Variants in RPE65 observed in about 807,000 individuals in gnomAD.
RPE65 encodes the protein retinoid isomerohydrolase RPE65.
A neutral mutation model predicts 68.5 loss-of-function variants in RPE65; 58 were observed. The ratio of observed to expected loss-of-function variants is 0.85; its 90% CI spans 0.69 to 1.05. The LOEUF is 1.05. Ranked by LOEUF, RPE65 falls within the 50% of genes least tolerant of loss-of-function variation. The pLI is 0.00. For synonymous variants in RPE65, 220 were observed against 222.2 expected (o/e 0.99, Z 0.09); for missense variants, 643 against 629.9 (o/e 1.02, Z -0.22).
chr1:68,428,956 C>G lies in RPE65; in HGVS notation c.*820G>C, dbSNP rs1392951252. The G allele has an allele frequency of 6.6e-6, 1 of 151,998 alleles. No individual in the cohort carries two copies. Among genetic ancestry groups the G allele is most frequent in the Non-Finnish European group, 1.5e-5 (1 of 67,936 alleles). The allele number at this position is 151,998 out of a possible 1,614,324, so 9.4% of individuals were successfully genotyped here. A position where few individuals can be genotyped will look rare whatever the true frequency, so the allele number is the denominator to read the frequency against. On this transcript the variant is annotated 3_prime_UTR_variant, in exon 14 of 14. Transcript: ENST00000262340. ...CAAGTGATTGCACAATGCTTAAATA[C>G]AATTAAACAAAAAAGATGCAATAAA... is the stretch of plus-strand genomic sequence containing the variant.
rs768447444 is a variant in RPE65 at position 68,431,507 on chromosome 1, G to T, written c.1207C>A (p.Leu403Met). 1.2e-6 allele frequency: 2 copies of T among 1,613,964 alleles called. No individual in the cohort carries two copies. Among genetic ancestry groups the T allele is most frequent in the South Asian group, 2.2e-5 (2 of 91,082 alleles). Residue 403 changes from leucine (L) to methionine (M), a missense_variant, in exon 11 of 14, where the codon CTG becomes ATG. Physicochemically the swap from Leu to Met is conservative, Grantham distance 15. Transcript: ENST00000262340. ...CCTGAAAAGAGAACTTCAGGCTCCA[G>T]CCAGATAGTCTCGTCACTGCACAGA... is the stretch of plus-strand genomic sequence containing the variant. ...AILCSDETIW[L>M]EPEVLFSGPR...
At chr1:68,435,861 T>C (rs1243775731) in intron 10 of RPE65, among the ~76,000 whole-genome samples, 2 of 152,218 alleles carry the variant, frequency 1.3e-5, no homozygotes, top group East Asian at 1.9e-4. Context: ...TTCTCTCTGA[T>C]ACACTAGGTA....
At position 68,429,615 on chromosome 1, in the gene RPE65, C is replaced by T; in HGVS notation, c.*161G>A. 2 of 735,832 alleles carry T rather than the reference C, an allele frequency of 2.7e-6. No homozygotes were observed. The highest frequency in any genetic ancestry group is 4.5e-6 in the Non-Finnish European group (2 of 445,286). 45.6% of individuals were successfully genotyped at this position (735,832 alleles called of 1,614,324 possible). Reference sequence around the variant, plus strand: ...CTTTTTTTTTTAAATAAAGGAATTGCTTGCTCAACTCAGTGCTTTCTGTAA... The same window carrying T: ...CTTTTTTTTTTAAATAAAGGAATTGTTTGCTCAACTCAGTGCTTTCTGTAA... On this transcript the variant is annotated 3_prime_UTR_variant, in exon 14 of 14. Transcript: ENST00000262340.
At chr1:68,448,299 T>A (rs1645956746) in intron 2 of RPE65, among the ~76,000 whole-genome samples, 1 of 152,174 alleles carries the variant, frequency 6.6e-6, no homozygotes, top group African/African-American at 2.4e-5. Context: ...CACTGGGCCT[T>A]CATTTATTCA....
chr1:68,444,427 T>A (rs1645926384), intron 5 of RPE65, 104 bp downstream of exon 5: 1 of 1,433,450 alleles, frequency 7.0e-7, no homozygotes, highest in East Asian at 2.3e-5. Context: ...CTGTGTGTCC[T>A]CATCAAGTTA....
chr1:68,444,728 G>A (rs756066661), intron 4 of RPE65, 48 bp downstream of exon 4: 24 of 1,613,810 alleles, frequency 1.5e-5, no homozygotes, highest in African/African-American at 2.7e-5. Context: ...GAGAGAAAAA[G>A]GGCTAATATA....
In RPE65 at chr1:68,438,326, TA is replaced by T. The variant is rs1218183538; in HGVS notation, c.999-11del. ...ATAAACAAACTCAAATCTGCAAAAA[TA>T]AAAAGTCAAACATGAGCACAGGCAA... On this transcript the variant is annotated splice_polypyrimidine_tract_variant and intron_variant, in intron 9 of 13. Coordinates refer to ENST00000262340, the MANE Select transcript of RPE65 (RefSeq NM_000329.3). 1 of 1,611,874 alleles carries T rather than the reference TA, an allele frequency of 6.2e-7. No homozygotes were observed. The highest frequency in any genetic ancestry group is 8.5e-7 in the Non-Finnish European group (1 of 1,179,612).
Position 68,431,068 on chromosome 1 carries a change from C to T in RPE65, c.1447G>A (p.Asp483Asn). 1 of 1,612,678 alleles carries T rather than the reference C, an allele frequency of 6.2e-7. No individual in the cohort carries two copies. The highest frequency in any genetic ancestry group is 8.5e-7 in the Non-Finnish European group (1 of 1,178,806). ...VSHPDALEED[D>N]GVVLSVVVSP... is the part of the protein sequence containing the mutation. ...ACACAACAATTGCTTTCATTACCAT[C>T]ATCTTCTTCCAAGGCATCTGGGTGA... The change falls in exon 13 of 14, where the codon GAT (aspartate) becomes AAT (asparagine). Residue 483 changes from aspartate (D) to asparagine (N), a missense_variant. By Grantham distance (23) the Asp-to-Asn change is conservative. Coordinates refer to ENST00000262340, the MANE Select transcript of RPE65 (RefSeq NM_000329.3).
At chr1:68,433,714 A>G (rs766371326) in intron 10 of RPE65, among the ~76,000 whole-genome samples, 38 of 152,138 alleles carry the variant, frequency 2.5e-4, no homozygotes, top group Non-Finnish European at 4.6e-4. Flanking sequence ...ACCAATTAAC[A>G]TGATTGTGTG....
chr1:68,434,386 G>T (rs1645846688), intron 10 of RPE65, among the ~76,000 whole-genome samples: 1 of 151,784 alleles, frequency 6.6e-6, no homozygotes, highest in Non-Finnish European at 1.5e-5. Context: ...GAGGTTGAAG[G>T]CAACATTCTA....
intron 10 of RPE65, among the ~76,000 whole-genome samples, chr1:68,436,444 CTATTTATTTATTTATT>C (rs71071305): frequency 1.6e-4 from 24 of 147,578 alleles, no homozygotes; most frequent in South Asian, 4.3e-4. Flanking sequence ...CCTGTTACTT[CTATTTATTTATTTATT>C]TATTTATTTA....
At chr1:68,442,933 G>A (rs574209544) in intron 5 of RPE65, among the ~76,000 whole-genome samples, 2 of 152,124 alleles carry the variant, frequency 1.3e-5, no homozygotes, top group Non-Finnish European at 2.9e-5. Flanking sequence ...ACTCAATGTT[G>A]AGACTATTTT....
In RPE65 at chr1:68,439,227, G is replaced by A. The variant is rs777207027; in HGVS notation, c.822C>T (p.Asn274=). 3.1e-6 allele frequency: 5 copies of A among 1,614,066 alleles called. No homozygotes were observed. Among genetic ancestry groups the A allele is most frequent in the Middle Eastern group, 1.6e-4 (1 of 6,062 alleles). The part of the protein sequence containing the change: ...FLSSWSLWGA[N]YMDCFESNET... ...CATTGGACTCAAAACAATCCATGTA[G>A]TTGGCTCCCCAAAGACTCCATGAAG... Residue 274 remains asparagine, a synonymous_variant, in exon 8 of 14, where the codon AAC becomes AAT. Transcript: ENST00000262340.
At chr1:68,433,477 G>T (rs1228726913) in intron 10 of RPE65, among the ~76,000 whole-genome samples, 2 of 152,166 alleles carry the variant, frequency 1.3e-5, no homozygotes, top group Non-Finnish European at 2.9e-5. Context: ...GATGCTGGTG[G>T]GTGGGTAGAT....
chr1:68,431,077 C>T lies in RPE65; in HGVS notation c.1438G>A (p.Glu480Lys). ...TTGCTTTCATTACCATCATCTTCTTCCAAGGCATCTGGGTGAGAAACAAAG... is the reference window on the plus strand; with the variant it reads ...TTGCTTTCATTACCATCATCTTCTTTCAAGGCATCTGGGTGAGAAACAAAG... ...PIFVSHPDAL[E>K]EDDGVVLSVV... The change falls in exon 13 of 14, where the codon GAA (glutamate) becomes AAA (lysine). Residue 480 changes from glutamate (E) to lysine (K), a missense_variant. Coordinates refer to ENST00000262340, the MANE Select transcript of RPE65 (RefSeq NM_000329.3). The T allele has an allele frequency of 1.2e-6, 2 of 1,613,508 alleles. No homozygotes were observed. Among genetic ancestry groups the T allele is most frequent in the South Asian group, 2.2e-5 (2 of 91,068 alleles).
chr1:68,434,115 T>TATAC (rs1464413834), intron 10 of RPE65, among the ~76,000 whole-genome samples: 22 of 99,518 alleles, frequency 2.2e-4, no homozygotes, highest in South Asian at 1.1e-3. Context: ...TATATATATA[T>TATAC]ACACACACAC....
chr1:68,448,973 C>T (rs187941010), intron 1 of RPE65, among the ~76,000 whole-genome samples: 1 of 152,234 alleles, frequency 6.6e-6, no homozygotes, highest in Admixed American at 6.5e-5. Flanking sequence ...GACATGACCT[C>T]TCTTTTAATG....
At chr1:68,447,737 T>A (rs1482531962) in intron 2 of RPE65, among the ~76,000 whole-genome samples, 1 of 152,098 alleles carries the variant, frequency 6.6e-6, no homozygotes, top group East Asian at 1.9e-4. Flanking sequence ...TAGTCCCAGC[T>A]ACTTGGAAAG....
chr1:68,445,813 G>A (rs1428181813), intron 3 of RPE65, among the ~76,000 whole-genome samples: 1 of 151,916 alleles, frequency 6.6e-6, no homozygotes, highest in African/African-American at 2.4e-5. Context: ...ACCCACACCC[G>A]GTCGCACTTT....
Sources: gnomAD v4.1 joint callset for allele counts (sites outside exome capture counted in the v4.1 genomes callset) on GRCh38, gnomAD v4.1.1 for gene constraint, MANE v1.5 for transcripts, NCBI Gene and HGNC (gene_info 2026-07-23, HGNC 2026-07-21) for gene names.